The following VTI1A variants were observed in gnomAD, a reference collection of about 807,000 sequenced individuals.
VTI1A encodes the protein vesicle transport through interaction with t-SNAREs 1A.
Under a neutral mutation model 34.9 loss-of-function variants are expected in VTI1A, and 22 were observed. That is an observed-to-expected ratio of 0.63 (90% CI 0.45 to 0.90). The LOEUF (loss-of-function observed/expected upper bound fraction) is 0.90, where lower values mean the gene tolerates loss of function less well. Among genes scored for constraint, VTI1A ranks in the 40% least tolerant of loss-of-function variants. VTI1A has a pLI of 0.00. For missense variants in VTI1A, 268 were observed against 275.6 expected, an observed-to-expected ratio of 0.97 and a Z score of 0.20; for synonymous variants, 87 against 97.3, an observed-to-expected ratio of 0.89 and a Z score of 0.62.
chr10:112,755,253 C>CA (rs770061342), intron 7 of VTI1A, among the ~76,000 whole-genome samples: 37 of 136,212 alleles, frequency 2.7e-4, no homozygotes, highest in South Asian at 2.2e-3. Flanking sequence ...GAGACTGTCT[C>CA]AAAAAAAAAA....
rs371816321 is a variant in VTI1A, at chr10:112,705,868, T to A, written c.560+36870T>A. ...AAGGCAAAACAAACAAGACTTCATC[T>A]AGAGAAGCTAGTTCCGTGTTAATCT... On this transcript the variant is annotated intron_variant, in intron 7 of 7. Coordinates refer to ENST00000393077, the MANE Select transcript of VTI1A (RefSeq NM_145206.4). Among the ~76,000 whole-genome samples the A allele has an allele frequency of 3.9e-5, 6 of 152,254 alleles. 1 individual carries two copies. The South Asian group carries it at 8.3e-4, about 21-fold the overall frequency.
At chr10:112,743,428 G>T (rs1240998712) in intron 7 of VTI1A, among the ~76,000 whole-genome samples, 5 of 152,176 alleles carry the variant, frequency 3.3e-5, no homozygotes, top group Non-Finnish European at 7.3e-5. Flanking sequence ...TCCACTTTGT[G>T]GCTGGGGCTG....
At chr10:112,657,524 G>T (rs775309260) in intron 5 of VTI1A, among the ~76,000 whole-genome samples, 20 of 152,052 alleles carry the variant, frequency 1.3e-4, no homozygotes, top group Non-Finnish European at 2.1e-4. Flanking sequence ...ACTTCTTCCA[G>T]ATGAGTTCTA....
intron 7 of VTI1A, among the ~76,000 whole-genome samples, chr10:112,712,511 C>CACACAT (rs772752445): frequency 2.9e-4 from 43 of 147,872 alleles, no homozygotes; most frequent in African/African-American, 1.0e-3. Flanking sequence ...CACACACACA[C>CACACAT]ATTAAATGAT....
chr10:112,506,942 T>G (rs893287133), intron 3 of VTI1A, among the ~76,000 whole-genome samples: 1 of 150,960 alleles, frequency 6.6e-6, no homozygotes, highest in Non-Finnish European at 1.5e-5. Flanking sequence ...ATTTTTTTGG[T>G]TTTTATGGGT....
chr10:112,566,771 T>A (rs1851917236), intron 5 of VTI1A, among the ~76,000 whole-genome samples: 1 of 152,118 alleles, frequency 6.6e-6, no homozygotes, highest in Admixed American at 6.6e-5. Flanking sequence ...ATGCTCCGGG[T>A]CATAAATGCT....
chr10:112,669,842 A>C (rs1225252746), intron 7 of VTI1A, among the ~76,000 whole-genome samples: 1 of 152,192 alleles, frequency 6.6e-6, no homozygotes, highest in Non-Finnish European at 1.5e-5. Flanking sequence ...CATATACAAT[A>C]GTTTGCTAAA....
rs560673635 is a variant in VTI1A, at chr10:112,597,236, A to G, written c.427+58906A>G. On this transcript the variant is annotated intron_variant, in intron 5 of 7. Coordinates refer to ENST00000393077, the MANE Select transcript of VTI1A (RefSeq NM_145206.4). The stretch of plus-strand genomic sequence containing the variant: ...TGTTTTTTGTTTGTTTGTTTTTTTG[A>G]GACAGAATTTCACTCTTTTTGCCCA... Among the ~76,000 whole-genome samples, 24 of 152,054 alleles carry G rather than the reference A, an allele frequency of 1.6e-4. No individual in the cohort carries two copies. In the South Asian group the frequency reaches 4.8e-3, roughly 30 times the overall value.
At chr10:112,653,003 A>G (rs1399655945) in intron 5 of VTI1A, among the ~76,000 whole-genome samples, 4 of 152,248 alleles carry the variant, frequency 2.6e-5, no homozygotes, top group Admixed American at 2.6e-4. Flanking sequence ...AGTACACTCC[A>G]CAGGTTGGGG....
chr10:112,610,644 C>A (rs1456556779), intron 5 of VTI1A, among the ~76,000 whole-genome samples: 1 of 152,200 alleles, frequency 6.6e-6, no homozygotes, highest in Non-Finnish European at 1.5e-5. Flanking sequence ...CGGCCGGGCG[C>A]GGTGGCTCAT....
At chr10:112,821,682 C>T (rs747911129), downstream of VTI1A, among the ~76,000 whole-genome samples, 8 of 152,196 alleles carry the variant, frequency 5.3e-5, no homozygotes, top group Non-Finnish European at 8.8e-5. Context: ...TGTCTCATCC[C>T]ATCAGAAAAG....
chr10:112,603,776 A>G (rs1844969836), intron 5 of VTI1A, among the ~76,000 whole-genome samples: 1 of 152,034 alleles, frequency 6.6e-6, no homozygotes, highest in Non-Finnish European at 1.5e-5. Context: ...ACTCCCTCCC[A>G]ATGCCTTCCC....
At chr10:112,553,287 A>G (rs544744505) in intron 5 of VTI1A, among the ~76,000 whole-genome samples, 1 of 152,364 alleles carries the variant, frequency 6.6e-6, no homozygotes, top group Non-Finnish European at 1.5e-5. Flanking sequence ...TGGTCCTGCC[A>G]CTTAATAACT....
chr10:112,622,966 T>C (rs140575978), intron 5 of VTI1A, among the ~76,000 whole-genome samples: 131 of 152,340 alleles, frequency 8.6e-4, no homozygotes, highest in African/African-American at 3.1e-3. Context: ...AAAGACATGA[T>C]AAATTGTCCC....
intron 7 of VTI1A, among the ~76,000 whole-genome samples, chr10:112,780,322 A>AAAT (rs1418176515): frequency 7.3e-6 from 1 of 136,808 alleles, no homozygotes; most frequent in African/African-American, 2.6e-5. Flanking sequence ...ATAAATAAAT[A>AAAT]AAATAATAAC....
chr10:112,767,257 C>T lies in VTI1A; in HGVS notation c.561-48033C>T, dbSNP rs971051900. On this transcript the variant is annotated intron_variant, in intron 7 of 7. Coordinates refer to ENST00000393077, the MANE Select transcript of VTI1A (RefSeq NM_145206.4). The surrounding 1 kb of genome is among the most constrained non-coding windows in gnomAD (Gnocchi z 4.0). ...GCAATCTTTGGGTAAGTAGTTTTATCATCTCCTGCTACAGATGGTAAGGCC... is the reference window on the plus strand; with the variant it reads ...GCAATCTTTGGGTAAGTAGTTTTATTATCTCCTGCTACAGATGGTAAGGCC... 4.6e-5 allele frequency among the ~76,000 whole-genome samples: 7 copies of T among 152,192 alleles called. No individual in the cohort carries two copies. Among genetic ancestry groups the T allele is most frequent in the African/African-American group, 1.4e-4 (6 of 41,438 alleles).
At chr10:112,580,731 T>C (rs1352212652) in intron 5 of VTI1A, among the ~76,000 whole-genome samples, 1 of 151,744 alleles carries the variant, frequency 6.6e-6, no homozygotes, top group East Asian at 1.9e-4. Context: ...CAAATCAGGG[T>C]GACAGATAGG....
In VTI1A at chr10:112,460,598, A is replaced by G; in HGVS notation, c.153+16A>G. On this transcript the variant is annotated intron_variant, in intron 2 of 7. Transcript: ENST00000393077. The stretch of plus-strand genomic sequence containing the variant: ...GAAAGAACTGGTATGTACAGACAGT[A>G]ATGTATTTTAACACACAGCCAGAGC... 1 of 1,575,300 alleles carries G rather than the reference A, an allele frequency of 6.3e-7. No homozygotes were observed. Among genetic ancestry groups the G allele is most frequent in the East Asian group, 2.3e-5 (1 of 43,114 alleles).
chr10:112,774,293 G>T (rs1282732634), intron 7 of VTI1A, among the ~76,000 whole-genome samples: 4 of 152,164 alleles, frequency 2.6e-5, no homozygotes, highest in Admixed American at 2.6e-4. Context: ...TTTCTGGAAG[G>T]TTCTTCTCAT....
Sources: gnomAD v4.1 joint callset for allele counts (sites outside exome capture counted in the v4.1 genomes callset) on GRCh38, gnomAD v4.1.1 for gene constraint, Gnocchi (gnomAD v3.1) non-coding constraint, MANE v1.5 for transcripts, NCBI Gene and HGNC (gene_info 2026-07-23, HGNC 2026-07-21) for gene names.